Variants in ERBB4 observed in about 807,000 individuals in gnomAD.
ERBB4 encodes receptor tyrosine-protein kinase erbB-4.
A neutral mutation model predicts 158.0 loss-of-function variants in ERBB4; 42 were observed. That is an observed-to-expected ratio of 0.27 (90% CI 0.21 to 0.34). ERBB4 has a LOEUF of 0.34. Ranked by LOEUF, ERBB4 falls within the 10% of genes least tolerant of loss-of-function variation. ERBB4 has a pLI of 1.00. For synonymous variants in ERBB4, 583 were observed against 558.7 expected (o/e 1.04, Z -0.61); for missense variants, 1,333 against 1,624.1 (o/e 0.82, Z 3.08).
chr2:211,881,608 G>A (rs968018581), intron 3 of ERBB4, among the ~76,000 whole-genome samples: 9 of 137,056 alleles, frequency 6.6e-5, no homozygotes, highest in African/African-American at 1.6e-4. Context: ...GGGTCGGGGG[G>A]GCTGAGATTT....
At chr2:211,784,404 A>G (rs2076107689) in intron 4 of ERBB4, among the ~76,000 whole-genome samples, 1 of 152,204 alleles carries the variant, frequency 6.6e-6, no homozygotes, top group Non-Finnish European at 1.5e-5. Context: ...CTCAAGATTT[A>G]TTCATGTTGT....
chr2:211,503,906 A>G (rs1471016348), intron 20 of ERBB4, among the ~76,000 whole-genome samples: 1 of 152,110 alleles, frequency 6.6e-6, no homozygotes, highest in Non-Finnish European at 1.5e-5. Flanking sequence ...CAGGATTGCT[A>G]GATTGATCCC....
chr2:211,526,564 C>G (rs939534756), intron 20 of ERBB4, among the ~76,000 whole-genome samples: 2 of 152,000 alleles, frequency 1.3e-5, no homozygotes, highest in African/African-American at 4.8e-5. Context: ...CTCTTCAATG[C>G]CCAGACAGTG....
In ERBB4 at chr2:211,892,763, A is replaced by C. The variant is rs973290804; in HGVS notation, c.421+54667T>G. ...AATTCACAAGCATTCTTATACACCAACAACAGACAAACAGAGAGCCAAATC... is the reference window on the plus strand; with the variant it reads ...AATTCACAAGCATTCTTATACACCACCAACAGACAAACAGAGAGCCAAATC... On this transcript the variant is annotated intron_variant, in intron 3 of 27. Transcript: ENST00000342788. Among the ~76,000 whole-genome samples the C allele has an allele frequency of 2.8e-5, 4 of 144,430 alleles. 1 individual carries two copies. Among genetic ancestry groups the C allele is most frequent in the Non-Finnish European group, 6.0e-5 (4 of 66,360 alleles). 94.8% of individuals were successfully genotyped at this position (144,430 alleles called of 152,430 possible).
intron 20 of ERBB4, among the ~76,000 whole-genome samples, chr2:211,471,154 CAGAG>C (rs1002744165): frequency 3.3e-5 from 5 of 151,920 alleles, no homozygotes; most frequent in African/African-American, 9.7e-5. Context: ...GACAAAAAGA[CAGAG>C]AGAGAGGGAG....
intron 1 of ERBB4, among the ~76,000 whole-genome samples, chr2:212,147,898 G>A (rs746720460): frequency 2.0e-5 from 3 of 151,950 alleles, no homozygotes; most frequent in Non-Finnish European, 4.4e-5. Context: ...TCAAGCCTGT[G>A]GTCCCTTTTC....
chr2:212,070,967 T>C (rs557456086), intron 2 of ERBB4, among the ~76,000 whole-genome samples: 3 of 152,056 alleles, frequency 2.0e-5, no homozygotes, highest in African/African-American at 7.2e-5. Context: ...TTTTCAAAAT[T>C]ATATTTATTT....
intron 2 of ERBB4, among the ~76,000 whole-genome samples, chr2:212,012,074 G>A (rs1181122611): frequency 2.0e-5 from 3 of 152,152 alleles, no homozygotes; most frequent in East Asian, 3.9e-4. Flanking sequence ...GTATAATTAT[G>A]AACTTGTGCA....
chr2:211,952,102 GTT>G (rs1269881778), intron 2 of ERBB4, among the ~76,000 whole-genome samples: 12 of 151,990 alleles, frequency 7.9e-5, no homozygotes, highest in African/African-American at 2.9e-4. Flanking sequence ...TTTAAAAAGA[GTT>G]ACAGGAGATA....
At chr2:211,777,186 T>G (rs1300447917) in intron 4 of ERBB4, 1 of 152,130 alleles carries the variant, frequency 6.6e-6, no homozygotes, top group African/African-American at 2.4e-5. Flanking sequence ...TGATTAATTG[T>G]TATGTCCTTC....
intron 2 of ERBB4, among the ~76,000 whole-genome samples, chr2:212,052,545 A>T (rs973818808): frequency 6.6e-6 from 1 of 152,178 alleles, no homozygotes; most frequent in African/African-American, 2.4e-5. Context: ...GACTAACCAA[A>T]TTTTACTGAA....
intron 1 of ERBB4, among the ~76,000 whole-genome samples, chr2:212,263,603 T>A (rs1159239152): frequency 6.6e-6 from 1 of 152,048 alleles, no homozygotes; most frequent in Admixed American, 6.6e-5. Context: ...CTGGAAAAAA[T>A]TAACAATTCT....
At chr2:211,944,206 A>ATATATATATATATATATAG (rs371912701) in intron 3 of ERBB4, among the ~76,000 whole-genome samples, 3,480 of 103,906 alleles carry the variant, frequency 0.033, 132 homozygotes, top group Non-Finnish European at 0.043. Flanking sequence ...TATACTATAT[A>ATATATATATATATATATAG]TATATATACA....
At chr2:212,034,222 G>T (rs1253470220) in intron 2 of ERBB4, among the ~76,000 whole-genome samples, 1 of 151,750 alleles carries the variant, frequency 6.6e-6, no homozygotes, top group African/African-American at 2.4e-5. Flanking sequence ...AGACTTCTCT[G>T]CAGGGAATAT....
chr2:212,003,408 A>G (rs2076186289), intron 2 of ERBB4, among the ~76,000 whole-genome samples: 1 of 151,692 alleles, frequency 6.6e-6, no homozygotes, highest in Non-Finnish European at 1.5e-5. Context: ...AATATGATGG[A>G]GCAAGTAAAT....
intron 2 of ERBB4, among the ~76,000 whole-genome samples, chr2:212,118,098 T>C (rs2079624286): frequency 6.6e-6 from 1 of 152,100 alleles, no homozygotes; most frequent in South Asian, 2.1e-4. Flanking sequence ...GACACAAACA[T>C]AAAAACCATC....
chr2:212,249,895 AAGC>A (rs2084466317), intron 1 of ERBB4, among the ~76,000 whole-genome samples: 1 of 152,028 alleles, frequency 6.6e-6, no homozygotes, highest in South Asian at 2.1e-4. Flanking sequence ...TATAGTAAAG[AAGC>A]TTGACAATGT....
chr2:211,905,734 G>A (rs1453438431), intron 3 of ERBB4, among the ~76,000 whole-genome samples: 1 of 83,218 alleles, frequency 1.2e-5, no homozygotes, highest in Non-Finnish European at 2.5e-5. Context: ...GTATGTGTGT[G>A]CATGTGTGTG....
At chr2:212,498,479 C>T (rs1302241570) in intron 1 of ERBB4, among the ~76,000 whole-genome samples, 1 of 152,126 alleles carries the variant, frequency 6.6e-6, no homozygotes, top group Admixed American at 6.6e-5. Context: ...GATTGAGATA[C>T]ATTCCTATTG....
Sources: gnomAD v4.1 joint callset for allele counts (sites outside exome capture counted in the v4.1 genomes callset) on GRCh38, gnomAD v4.1.1 for gene constraint, MANE v1.5 for transcripts, NCBI Gene and HGNC (gene_info 2026-07-23, HGNC 2026-07-21) for gene names.